The following ATF7IP2 variants were observed in gnomAD, a reference collection of about 807,000 sequenced individuals.
ATF7IP2 encodes the protein activating transcription factor 7-interacting protein 2.
In ATF7IP2, 42 loss-of-function variants were observed where a neutral mutation model predicts 64.2. That is an observed-to-expected ratio of 0.65 (90% CI 0.51 to 0.85). ATF7IP2 has a LOEUF of 0.85. Ranked by LOEUF, ATF7IP2 falls within the 40% of genes least tolerant of loss-of-function variation. The probability of loss-of-function intolerance (pLI) is 0.00; values close to 1 mark genes in which losing one functional copy is unlikely to be tolerated. For synonymous variants in ATF7IP2, 308 were observed against 272.8 expected (o/e 1.13, Z -1.27); for missense variants, 933 against 784.2 (o/e 1.19, Z -2.27).
chr16:10,451,144 C>T (rs1191944807), intron 8 of ATF7IP2, among the ~76,000 whole-genome samples: 1 of 152,178 alleles, frequency 6.6e-6, no homozygotes, highest in Non-Finnish European at 1.5e-5. Context: ...ATATTGGCCC[C>T]CACTCTCTTC....
Position 10,430,810 on chromosome 16 carries a change from A to G in ATF7IP2, c.190A>G (p.Ile64Val). Reference sequence around the variant, plus strand: ...TAGTGTCATAACTAGGACGACTGAAATAACCAAATGTAGCCCTTCTGAAAA... The same window carrying G: ...TAGTGTCATAACTAGGACGACTGAAGTAACCAAATGTAGCCCTTCTGAAAA... Reference protein sequence around the residue: ...SPSVITRTTEITKCSPSENGA... With the variant: ...SPSVITRTTEVTKCSPSENGA... Residue 64 changes from isoleucine to valine, a missense_variant, in exon 5 of 14, where the codon ATA becomes GTA. Physicochemically the swap from Ile to Val is conservative, Grantham distance 29. Coordinates refer to ENST00000562102, the MANE Select transcript of ATF7IP2 (RefSeq NM_001393719.1). 6.2e-7 allele frequency: 1 copy of G among 1,614,130 alleles called. No homozygotes were observed. The highest frequency in any genetic ancestry group is 8.5e-7 in the Non-Finnish European group (1 of 1,179,976).
rs932747642 is a variant in ATF7IP2 at position 10,412,788 on chromosome 16, A to G, written c.-241-1786A>G. ...GTCAGTGGAGTTGAAGTCCCCCACT[A>G]TTATTGTGTTGCTGTCTATCTCATT... is the stretch of plus-strand genomic sequence containing the variant. On this transcript the variant is annotated intron_variant, in intron 1 of 13. Coordinates refer to ENST00000562102, the MANE Select transcript of ATF7IP2 (RefSeq NM_001393719.1). Among the ~76,000 whole-genome samples, 41 of 152,102 alleles carry G rather than the reference A, an allele frequency of 2.7e-4. 1 individual carries two copies. Among genetic ancestry groups the G allele is most frequent in the Non-Finnish European group, 8.8e-5 (6 of 68,026 alleles).
rs1033458818 is a variant in ATF7IP2, at chr16:10,472,316, T to G, written c.1426+133T>G. 3.2e-5 allele frequency: 15 copies of G among 464,904 alleles called. No homozygotes were observed. Among genetic ancestry groups the G allele is most frequent in the Admixed American group, 2.3e-4 (6 of 25,722 alleles). The allele number at this position is 464,904 out of a possible 1,614,324, so 28.8% of individuals were successfully genotyped here. A position where few individuals can be genotyped will look rare whatever the true frequency, so the allele number is the denominator to read the frequency against. On this transcript the variant is annotated intron_variant, in intron 10 of 13. Transcript: ENST00000562102. The stretch of plus-strand genomic sequence containing the variant: ...TAAATGTACTCTCAAATGTTCTAAT[T>G]TATATCATGGTTAATATTACCTAAA...
Position 10,410,060 on chromosome 16 carries a change from CT to C in ATF7IP2, c.-241-4508del, listed in dbSNP as rs542814891. ...TAGTCTTGCTTTGGTTATACAGGCT[CT>C]TTTTTGGTTCCATATGAATTTAGGA... On this transcript the variant is annotated intron_variant, in intron 1 of 13. Coordinates refer to ENST00000562102, the MANE Select transcript of ATF7IP2 (RefSeq NM_001393719.1). Among the ~76,000 whole-genome samples, 113 of 152,206 alleles carry C rather than the reference CT, an allele frequency of 7.4e-4. 1 individual carries two copies. The highest frequency in any genetic ancestry group is 5.9e-3 in the Admixed American group (90 of 15,288).
chr16:10,450,881 G>A (rs976824363), intron 8 of ATF7IP2, among the ~76,000 whole-genome samples: 49 of 152,072 alleles, frequency 3.2e-4, no homozygotes, highest in African/African-American at 8.9e-4. Flanking sequence ...TTATTTTGCC[G>A]GTTAGTTGAT....
At chr16:10,441,275 A>G (rs1472085435) in intron 8 of ATF7IP2, among the ~76,000 whole-genome samples, 2 of 152,116 alleles carry the variant, frequency 1.3e-5, no homozygotes, top group Non-Finnish European at 2.9e-5. Context: ...CAGTAATGGG[A>G]TTGCTGGGTC....
chr16:10,411,533 G>T (rs966346324), intron 1 of ATF7IP2, among the ~76,000 whole-genome samples: 1 of 151,888 alleles, frequency 6.6e-6, no homozygotes, highest in African/African-American at 2.4e-5. Flanking sequence ...ACCATTCCTG[G>T]CTGATTTTGT....
chr16:10,451,731 T>G (rs976041552), intron 8 of ATF7IP2, among the ~76,000 whole-genome samples: 6 of 152,048 alleles, frequency 3.9e-5, no homozygotes, highest in Non-Finnish European at 7.4e-5. Flanking sequence ...TAACCTTTTT[T>G]CAAAGCTCTT....
At chr16:10,464,736 G>T (rs1029298983) in intron 9 of ATF7IP2, among the ~76,000 whole-genome samples, 2 of 152,176 alleles carry the variant, frequency 1.3e-5, no homozygotes, top group African/African-American at 2.4e-5. Flanking sequence ...GATGGAAAGG[G>T]GGACAGGAAG....
intron 1 of ATF7IP2, among the ~76,000 whole-genome samples, chr16:10,407,766 T>C (rs576975881): frequency 4.3e-4 from 65 of 152,152 alleles, no homozygotes; most frequent in Non-Finnish European, 7.8e-4. Flanking sequence ...TGAACCCAAT[T>C]TGTGGTCTTT....
At chr16:10,392,391 C>T (rs184923915) in intron 1 of ATF7IP2, among the ~76,000 whole-genome samples, 11 of 150,708 alleles carry the variant, frequency 7.3e-5, no homozygotes, top group African/African-American at 2.7e-4. Context: ...GTTTTGAACT[C>T]CTGGGCTGTT....
intron 10 of ATF7IP2, 33 bp downstream of exon 10, chr16:10,472,216 A>AAGTT: frequency 9.1e-7 from 1 of 1,104,188 alleles, no homozygotes; most frequent in Non-Finnish European, 1.3e-6. Context: ...ATGATCTATC[A>AAGTT]AGTTAGAAGG....
At chr16:10,452,861 C>T (rs1480429465) in intron 8 of ATF7IP2, among the ~76,000 whole-genome samples, 3 of 152,176 alleles carry the variant, frequency 2.0e-5, no homozygotes, top group Non-Finnish European at 4.4e-5. Flanking sequence ...GTTCAAACTT[C>T]CCAGTGGCTT....
intron 1 of ATF7IP2, among the ~76,000 whole-genome samples, chr16:10,410,810 T>C (rs1455233385): frequency 6.6e-6 from 1 of 152,208 alleles, no homozygotes; most frequent in African/African-American, 2.4e-5. Context: ...TTAAATGTTT[T>C]CAACTTTTCC....
At chr16:10,443,648 G>T (rs1045003204) in intron 8 of ATF7IP2, among the ~76,000 whole-genome samples, 1 of 152,192 alleles carries the variant, frequency 6.6e-6, no homozygotes, top group Non-Finnish European at 1.5e-5. Flanking sequence ...TTGGGAAGGG[G>T]GTGAGGAGTG....
At chr16:10,421,751 A>AT (rs1453420109) in intron 3 of ATF7IP2, among the ~76,000 whole-genome samples, 2 of 152,218 alleles carry the variant, frequency 1.3e-5, no homozygotes, top group Non-Finnish European at 1.5e-5. Context: ...CACTGTGGAC[A>AT]TTTTTTACGA....
At chr16:10,425,181 C>T (rs1369156127) in intron 3 of ATF7IP2, among the ~76,000 whole-genome samples, 1 of 151,324 alleles carries the variant, frequency 6.6e-6, no homozygotes, top group Non-Finnish European at 1.5e-5. Flanking sequence ...ACCTCAGCCT[C>T]CTGAGTAGCT....
intron 1 of ATF7IP2, among the ~76,000 whole-genome samples, chr16:10,395,047 C>T (rs1013443858): frequency 4.6e-5 from 7 of 151,654 alleles, no homozygotes; most frequent in East Asian, 1.9e-4. Flanking sequence ...TTTTCTTAAA[C>T]GATCAAGAAA....
At chr16:10,409,308 G>T (rs2047704757) in intron 1 of ATF7IP2, among the ~76,000 whole-genome samples, 1 of 152,142 alleles carries the variant, frequency 6.6e-6, no homozygotes, top group Admixed American at 6.5e-5. Flanking sequence ...TAGGAAGGTT[G>T]TTTACACTAA....
Sources: gnomAD v4.1 joint callset for allele counts (sites outside exome capture counted in the v4.1 genomes callset) on GRCh38, gnomAD v4.1.1 for gene constraint, MANE v1.5 for transcripts, NCBI Gene and HGNC (gene_info 2026-07-23, HGNC 2026-07-21) for gene names.